Variants in NUDT12 observed in about 807,000 individuals in gnomAD.
The protein encoded by NUDT12 is NAD-capped RNA hydrolase NUDT12.
Under a neutral mutation model 45.7 loss-of-function variants are expected in NUDT12, and 42 were observed. The observed-to-expected ratio is 0.92, with a 90% confidence interval of 0.72 to 1.19. NUDT12 has a LOEUF of 1.19. Among genes scored for constraint, NUDT12 ranks in the 50% most tolerant of loss-of-function variants. The pLI, the probability that NUDT12 is intolerant of heterozygous loss-of-function variation, is 0.00. For synonymous variants in NUDT12, 206 were observed against 179.7 expected (o/e 1.15, Z -1.17); for missense variants, 590 against 533.1 (o/e 1.11, Z -1.05).
intron 3 of NUDT12, among the ~76,000 whole-genome samples, chr5:103,557,484 T>A (rs1748864561): frequency 6.6e-6 from 1 of 151,690 alleles, no homozygotes; most frequent in Non-Finnish European, 1.5e-5. Flanking sequence ...CAGTAACTCA[T>A]CAGTCTACCA....
intron 3 of NUDT12, 111 bp from the exon 4 acceptor site, chr5:103,556,209 T>C: frequency 3.0e-6 from 2 of 655,840 alleles, no homozygotes; most frequent in Non-Finnish European, 2.3e-6. Context: ...TCAGGGGTTT[T>C]AGTATTTCTA....
chr5:103,554,697 T>C, intron 5 of NUDT12, 43 bp downstream of exon 5: 6 of 703,174 alleles, frequency 8.5e-6, no homozygotes, highest in Non-Finnish European at 1.3e-5. Context: ...ACTTTGTATT[T>C]TAAAATTATA....
At chr5:103,552,495 G>C (rs1748686869) in intron 5 of NUDT12, 79 bp from the exon 6 acceptor site, 15 of 1,067,632 alleles carry the variant, frequency 1.4e-5, no homozygotes, top group Middle Eastern at 2.4e-4. Flanking sequence ...TCAAACATCT[G>C]GAAATCACTT....
Position 103,556,107 on chromosome 5 carries a change from AAAAG to A in NUDT12, c.797-13_797-10del. ...TGCTTGAGCTACAACCCCTTCAAAA[AAAAG>A]AAAAGCACAAAAATTTTAATTCTGT... is the stretch of plus-strand genomic sequence containing the variant. On this transcript the variant is annotated splice_polypyrimidine_tract_variant and intron_variant, in intron 3 of 6. Transcript: ENST00000230792. 1 of 1,547,672 alleles carries A rather than the reference AAAAG, an allele frequency of 6.5e-7. No homozygotes were observed.
intron 1 of NUDT12, among the ~76,000 whole-genome samples, 173 bp from the exon 2 acceptor site, chr5:103,560,427 A>C (rs1438152306): frequency 6.6e-6 from 1 of 152,208 alleles, no homozygotes; most frequent in Admixed American, 6.5e-5. Context: ...TCAGTTTAGA[A>C]TTATAAAATG....
intron 1 of NUDT12, among the ~76,000 whole-genome samples, 157 bp downstream of exon 1, chr5:103,562,546 T>C (rs1323595788): frequency 6.6e-6 from 1 of 151,846 alleles, no homozygotes; most frequent in African/African-American, 2.4e-5. Flanking sequence ...AATGCGTCCG[T>C]GGCTCCCGCG....
Position 103,560,649 on chromosome 5 carries a change from A to G in NUDT12, c.-6-395T>C, listed in dbSNP as rs954933314. Among the ~76,000 whole-genome samples, 5 of 152,334 alleles carry G rather than the reference A, an allele frequency of 3.3e-5. No homozygotes were observed. The East Asian group carries it at 5.8e-4, about 18-fold the overall frequency. On this transcript the variant is annotated intron_variant, in intron 1 of 6. Coordinates refer to ENST00000230792, the MANE Select transcript of NUDT12 (RefSeq NM_031438.4). The stretch of plus-strand genomic sequence containing the variant: ...AGATGGAAGTAAAGGCAGAGACTTT[A>G]TAAGTTTCACAGGAAAACAGTTTAT...
intron 1 of NUDT12, among the ~76,000 whole-genome samples, 171 bp downstream of exon 1, chr5:103,562,532 T>G (rs990046443): frequency 6.6e-6 from 1 of 151,864 alleles, no homozygotes; most frequent in Non-Finnish European, 1.5e-5. Flanking sequence ...CGGGAGCCCC[T>G]GCAAATGCGT....
At chr5:103,558,415 A>C (rs1748903656) in intron 3 of NUDT12, among the ~76,000 whole-genome samples, 1 of 152,078 alleles carries the variant, frequency 6.6e-6, no homozygotes, top group Non-Finnish European at 1.5e-5. Context: ...TTACTTACTT[A>C]CATGTGTACA....
chr5:103,562,353 A>C (rs545841201), intron 1 of NUDT12, among the ~76,000 whole-genome samples: 3 of 152,160 alleles, frequency 2.0e-5, no homozygotes, highest in Admixed American at 1.3e-4. Flanking sequence ...CCACCCGTGC[A>C]CGGTCTCTGA....
In NUDT12 at chr5:103,550,722, A is replaced by C. The variant is rs1159736828; in HGVS notation, c.*139T>G. The C allele has an allele frequency of 5.2e-6, 3 of 573,370 alleles. No individual in the cohort carries two copies. In the African/African-American group the frequency reaches 5.6e-5, roughly 11 times the overall value. 35.5% of individuals were successfully genotyped at this position (573,370 alleles called of 1,614,324 possible). A position where few individuals can be genotyped will look rare whatever the true frequency, so the allele number is the denominator to read the frequency against. ...TATGAATTTGTGATTAAGACAGAAC[A>C]CTTTGAAAATATTTCGAAAACCCAA... On this transcript the variant is annotated 3_prime_UTR_variant, in exon 7 of 7. Coordinates refer to ENST00000230792, the MANE Select transcript of NUDT12 (RefSeq NM_031438.4).
At chr5:103,559,510 G>A in intron 2 of NUDT12, 42 bp from the exon 3 acceptor site, 4 of 945,340 alleles carry the variant, frequency 4.2e-6, no homozygotes, top group Non-Finnish European at 5.9e-6. Flanking sequence ...AGTAAAATAG[G>A]AAGTAAACAC....
rs1173393378 is a variant in NUDT12 at position 103,560,221 on chromosome 5, G to C, written c.28C>G (p.Gln10Glu). The C allele has an allele frequency of 1.2e-6, 2 of 1,613,600 alleles. No homozygotes were observed. Among genetic ancestry groups the C allele is most frequent in the East Asian group, 4.5e-5 (2 of 44,858 alleles). Residue 10 changes from glutamine (Q) to glutamate (E), a missense_variant, in exon 2 of 7, where the codon CAA (glutamine) becomes GAA (glutamate). Gln to Glu is a conservative substitution (Grantham distance 29). Coordinates refer to ENST00000230792, the MANE Select transcript of NUDT12 (RefSeq NM_031438.4). ...CAGTGAAACTGAGTAACTATTTCTT[G>C]CTTCAGACTTCTTTTTACAGAAGAC... MSSVKRSLK[Q>E]EIVTQFHCSA...
chr5:103,552,984 T>C (rs1018650554), intron 5 of NUDT12, among the ~76,000 whole-genome samples: 2 of 152,122 alleles, frequency 1.3e-5, no homozygotes, highest in African/African-American at 4.8e-5. Context: ...TAAATGTACT[T>C]TATATTTCTA....
intron 1 of NUDT12, 89 bp from the exon 2 acceptor site, chr5:103,560,343 G>T (rs1024404432): frequency 2.9e-5 from 22 of 769,638 alleles, no homozygotes; most frequent in Non-Finnish European, 4.4e-5. Flanking sequence ...TAGAATAATA[G>T]CAATGGTTTC....
In NUDT12 at chr5:103,550,945, C is replaced by T; in HGVS notation, c.1305G>A (p.Lys435=). The change falls in exon 7 of 7, where the codon AAG becomes AAA. Residue 435 remains lysine (K), a synonymous_variant. Transcript: ENST00000230792. ...TTGGTGGCACAAAGAATGCCTGCTG[C>T]TTCCCTTTGGTCAGAACATCCAGGA... is the stretch of plus-strand genomic sequence containing the variant. ...EQVLDVLTKG[K]QQAFFVPPSR... 6.2e-7 allele frequency: 1 copy of T among 1,613,698 alleles called. No homozygotes were observed. The highest frequency in any genetic ancestry group is 8.5e-7 in the Non-Finnish European group (1 of 1,179,802).
rs534738133 is a variant in NUDT12 at position 103,555,833 on chromosome 5, T to G, written c.964+98A>C. 70 of 839,466 alleles carry G rather than the reference T, an allele frequency of 8.3e-5. 4 individuals carry two copies. The South Asian group carries it at 2.2e-3, about 26-fold the overall frequency. The allele number at this position is 839,466 out of a possible 1,614,324, so 52.0% of individuals were successfully genotyped here. A position where few individuals can be genotyped will look rare whatever the true frequency, so the allele number is the denominator to read the frequency against. On this transcript the variant is annotated intron_variant, in intron 4 of 6. Transcript: ENST00000230792. ...TCTTAATGGTTAGACATGTTTTCCA[T>G]AAAAAGGAAAACTCTTTAGCTCCTC...
At chr5:103,557,354 G>A (rs535423351) in intron 3 of NUDT12, among the ~76,000 whole-genome samples, 9 of 143,870 alleles carry the variant, frequency 6.3e-5, no homozygotes, top group Admixed American at 3.5e-4. Context: ...TTCTCCACAG[G>A]TGTGGAGAAT....
chr5:103,560,525 G>C lies in NUDT12; in HGVS notation c.-6-271C>G, dbSNP rs575642314. The stretch of plus-strand genomic sequence containing the variant: ...AGACGAGGGGGCCATATCCTTGGGA[G>C]GGGGAACCAGGTAACATATTACATA... On this transcript the variant is annotated intron_variant, in intron 1 of 6. Transcript: ENST00000230792. Among the ~76,000 whole-genome samples the C allele has an allele frequency of 2.0e-5, 3 of 152,182 alleles. No individual in the cohort carries two copies. In the South Asian group the frequency reaches 6.2e-4, roughly 32 times the overall value.
Sources: allele counts gnomAD v4.1 joint callset (sites outside exome capture counted in the v4.1 genomes callset), GRCh38; gene constraint gnomAD v4.1.1; transcripts MANE v1.5; gene names NCBI Gene and HGNC (gene_info 2026-07-23, HGNC 2026-07-21).